The following MAPKAPK5 variants were observed in gnomAD, a reference collection of about 807,000 sequenced individuals.
MAPKAPK5 encodes the protein MAPK activated protein kinase 5.
MAPKAPK5 carries 30 observed loss-of-function variants against 65.1 expected under a neutral mutation model. The ratio of observed to expected loss-of-function variants is 0.46; its 90% CI spans 0.34 to 0.63. MAPKAPK5 has a LOEUF of 0.63. MAPKAPK5 is among the 20% of genes least tolerant of loss of function. The pLI, the probability that MAPKAPK5 is intolerant of heterozygous loss-of-function variation, is 0.01. For synonymous variants in MAPKAPK5, 179 were observed against 204.6 expected, an observed-to-expected ratio of 0.87 and a Z score of 1.07; for missense variants, 433 against 581.4, an observed-to-expected ratio of 0.74 and a Z score of 2.63.
At chr12:111,879,101 G>A (rs980605876) in intron 7 of MAPKAPK5, among the ~76,000 whole-genome samples, 10 of 152,176 alleles carry the variant, frequency 6.6e-5, no homozygotes, top group African/African-American at 2.2e-4. Context: ...ATCATTCAAT[G>A]TGGAAGTGCT....
rs576273844 is a variant in MAPKAPK5 at position 111,876,996 on chromosome 12, AT to A, written c.580-3448del. 2.0e-5 allele frequency among the ~76,000 whole-genome samples: 3 copies of A among 151,862 alleles called. No homozygotes were observed. In the South Asian group the frequency reaches 6.3e-4, roughly 32 times the overall value. On this transcript the variant is annotated intron_variant, in intron 7 of 13. Transcript: ENST00000550735. Reference sequence around the variant, plus strand: ...CCACTGTAAAAGGTGTGAGGTAATAATTTCATTGTGGTTTTAATTTTAATTT... The same window carrying A: ...CCACTGTAAAAGGTGTGAGGTAATAATTCATTGTGGTTTTAATTTTAATTT...
At chr12:111,848,921 T>A (rs537790138) in intron 1 of MAPKAPK5, among the ~76,000 whole-genome samples, 6 of 151,618 alleles carry the variant, frequency 4.0e-5, no homozygotes, top group East Asian at 2.0e-4. Flanking sequence ...ATTTTTATTT[T>A]TTTATTTATT....
intron 7 of MAPKAPK5, among the ~76,000 whole-genome samples, chr12:111,876,881 G>A (rs1030009849): frequency 6.7e-6 from 1 of 148,658 alleles, no homozygotes; most frequent in African/African-American, 2.5e-5. Context: ...TTCCATAGTG[G>A]TCATACTAAT....
chr12:111,852,477 T>G (rs2069115077), intron 1 of MAPKAPK5, among the ~76,000 whole-genome samples: 1 of 152,244 alleles, frequency 6.6e-6, no homozygotes, highest in African/African-American at 2.4e-5. Flanking sequence ...TTTCTCTATC[T>G]TACTCTATTG....
chr12:111,850,034 C>CT (rs57219959), intron 1 of MAPKAPK5, among the ~76,000 whole-genome samples: 39,857 of 148,646 alleles, frequency 0.27, 6,878 homozygotes, highest in East Asian at 0.85. Flanking sequence ...GTGAAATATC[C>CT]TTTTTTTTTT....
At chr12:111,870,969 C>A in intron 6 of MAPKAPK5, 116 bp from the exon 7 acceptor site, 3 of 702,138 alleles carry the variant, frequency 4.3e-6, no homozygotes, top group Non-Finnish European at 7.3e-6. Context: ...CATAAGTTCG[C>A]ATCTCAGCTG....
intron 9 of MAPKAPK5, 140 bp from the exon 10 acceptor site, chr12:111,885,776 C>T: frequency 3.0e-6 from 3 of 993,532 alleles, no homozygotes; most frequent in South Asian, 1.7e-5. Context: ...GACTAGAATC[C>T]CATCTGTGCT....
intron 9 of MAPKAPK5, among the ~76,000 whole-genome samples, chr12:111,884,667 G>C (rs1014802847): frequency 6.6e-6 from 1 of 152,182 alleles, no homozygotes; most frequent in Non-Finnish European, 1.5e-5. Flanking sequence ...CACCTGTGTG[G>C]GAGGCTGGGT....
chr12:111,889,025 C>T (rs749410543), intron 12 of MAPKAPK5, 25 bp downstream of exon 12: 10 of 1,555,822 alleles, frequency 6.4e-6, no homozygotes, highest in African/African-American at 2.7e-5. Context: ...ATTTACTAAT[C>T]CTCTGTGTGT....
In MAPKAPK5 at chr12:111,871,193, G is replaced by A. The variant is rs367933287; in HGVS notation, c.579+13G>A. The A allele has an allele frequency of 9.9e-5, 159 of 1,607,924 alleles. No homozygotes were observed. Among genetic ancestry groups the A allele is most frequent in the Non-Finnish European group, 1.3e-4 (153 of 1,175,610 alleles). ...TGTAGCACCCCAGGTAAGCATGTGC[G>A]GTTTCTGTCCTAAGATCTGTCACCA... is the stretch of plus-strand genomic sequence containing the variant. On this transcript the variant is annotated intron_variant, in intron 7 of 13. Transcript: ENST00000550735.
Position 111,883,850 on chromosome 12 carries a change from C to T in MAPKAPK5, c.848+82C>T. On this transcript the variant is annotated intron_variant, in intron 9 of 13. Transcript: ENST00000550735. The surrounding 1 kb of genome is among the most constrained non-coding windows in gnomAD (Gnocchi z 4.8). ...CAAGGGAATGTGGGTAGAGAAAAGT[C>T]ACTGGTTTCCTAGGCAGGCTCCTCC... is the stretch of plus-strand genomic sequence containing the variant. 6 of 1,400,016 alleles carry T rather than the reference C, an allele frequency of 4.3e-6. No homozygotes were observed. Among genetic ancestry groups the T allele is most frequent in the Non-Finnish European group, 5.8e-6 (6 of 1,038,116 alleles). The allele number at this position is 1,400,016 out of a possible 1,614,324, so 86.7% of individuals were successfully genotyped here.
rs1382906748 is a variant in MAPKAPK5 at position 111,867,565 on chromosome 12, C to T, written c.187-7C>T. On this transcript the variant is annotated splice_polypyrimidine_tract_variant and splice_region_variant and intron_variant, in intron 3 of 13. Transcript: ENST00000550735. ...CCTATTGATACATTTCCTCTGTTCT[C>T]TTTAAGGTACGTCTGCACATGATGT... 1 of 1,611,160 alleles carries T rather than the reference C, an allele frequency of 6.2e-7. No homozygotes were observed. Among genetic ancestry groups the T allele is most frequent in the South Asian group, 1.1e-5 (1 of 90,996 alleles).
At chr12:111,848,800 G>A (rs1259844897) in intron 1 of MAPKAPK5, among the ~76,000 whole-genome samples, 1 of 151,816 alleles carries the variant, frequency 6.6e-6, no homozygotes, top group Non-Finnish European at 1.5e-5. Flanking sequence ...TACGACCTTG[G>A]CTCACTGCAA....
At position 111,842,830 on chromosome 12, in the gene MAPKAPK5, C is replaced by G. The variant is rs557912900; in HGVS notation, c.36+61C>G. 1.5e-4 allele frequency: 193 copies of G among 1,263,540 alleles called. No homozygotes were observed. The African/African-American group carries it at 2.9e-3, about 19-fold the overall frequency. 78.3% of individuals were successfully genotyped at this position (1,263,540 alleles called of 1,614,324 possible). ...CCTGTGGCGTTCTTCTCGGCTCTAGCCTCAAAAAGCAGGGAGATTTTGCAG... is the reference window on the plus strand; with the variant it reads ...CCTGTGGCGTTCTTCTCGGCTCTAGGCTCAAAAAGCAGGGAGATTTTGCAG... On this transcript the variant is annotated intron_variant, in intron 1 of 13. Coordinates refer to ENST00000550735, the MANE Select transcript of MAPKAPK5 (RefSeq NM_003668.4).
At chr12:111,870,703 C>T (rs1355225460) in intron 6 of MAPKAPK5, among the ~76,000 whole-genome samples, 1 of 152,160 alleles carries the variant, frequency 6.6e-6, no homozygotes, top group Non-Finnish European at 1.5e-5. Flanking sequence ...TGCCCCATGT[C>T]TCACCAGATA....
chr12:111,852,663 T>C (rs2069121179), intron 1 of MAPKAPK5, among the ~76,000 whole-genome samples: 1 of 152,222 alleles, frequency 6.6e-6, no homozygotes, highest in African/African-American at 2.4e-5. Flanking sequence ...AAGTATATTA[T>C]CTTATCTATT....
chr12:111,875,525 G>A (rs1366387383), intron 7 of MAPKAPK5, among the ~76,000 whole-genome samples: 1 of 152,036 alleles, frequency 6.6e-6, no homozygotes, highest in Admixed American at 6.6e-5. Flanking sequence ...GTCAGTTACT[G>A]CTTGGTCCCT....
intron 7 of MAPKAPK5, among the ~76,000 whole-genome samples, chr12:111,871,867 G>T (rs768122146): frequency 3.3e-5 from 5 of 152,246 alleles, no homozygotes; most frequent in Admixed American, 3.3e-4. Context: ...CCTGGCCCTA[G>T]GCAACCACTG....
intron 1 of MAPKAPK5, among the ~76,000 whole-genome samples, chr12:111,854,570 A>G (rs1455087448): frequency 6.6e-6 from 1 of 151,976 alleles, no homozygotes; most frequent in Non-Finnish European, 1.5e-5. Context: ...ATAAAAGGGT[A>G]TTTTACAGCC....
Sources: gnomAD v4.1 joint callset for allele counts (sites outside exome capture counted in the v4.1 genomes callset) on GRCh38, gnomAD v4.1.1 for gene constraint, Gnocchi (gnomAD v3.1) non-coding constraint, MANE v1.5 for transcripts, NCBI Gene and HGNC (gene_info 2026-07-23, HGNC 2026-07-21) for gene names.